Variants in AGAP1 observed in about 807,000 individuals in gnomAD.
AGAP1 encodes ArfGAP with GTPase domain, ankyrin repeat and PH domain 1.
AGAP1 carries 29 observed loss-of-function variants against 105.3 expected under a neutral mutation model. The observed-to-expected ratio is 0.28, with a 90% CI of 0.21 to 0.38. The LOEUF (loss-of-function observed/expected upper bound fraction) is 0.38. Ranked by LOEUF, AGAP1 falls within the 10% of genes least tolerant of loss-of-function variation. AGAP1 has a pLI of 1.00. For synonymous variants in AGAP1, 509 were observed against 485.9 expected (o/e 1.05, Z -0.63); for missense variants, 998 against 1,165.1 (o/e 0.86, Z 2.09).
chr2:235,508,629 G>A (rs181238939), intron 1 of AGAP1, among the ~76,000 whole-genome samples: 11 of 152,296 alleles, frequency 7.2e-5, no homozygotes, highest in African/African-American at 2.6e-4. Flanking sequence ...CCCGAAGTCC[G>A]GGAGGAGGGA....
At chr2:235,562,617 C>T (rs192274761) in intron 1 of AGAP1, among the ~76,000 whole-genome samples, 5 of 152,306 alleles carry the variant, frequency 3.3e-5, no homozygotes, top group Admixed American at 2.0e-4. Flanking sequence ...AAACCCTCCT[C>T]CACATGCCTT....
At chr2:235,645,734 G>A (rs1947360410) in intron 1 of AGAP1, among the ~76,000 whole-genome samples, 1 of 152,128 alleles carries the variant, frequency 6.6e-6, no homozygotes, top group African/African-American at 2.4e-5. Flanking sequence ...TCCAGGGGAA[G>A]GAGAAAACCG....
At chr2:235,756,505 C>T (rs1320987361) in intron 6 of AGAP1, among the ~76,000 whole-genome samples, 4 of 152,110 alleles carry the variant, frequency 2.6e-5, no homozygotes, top group Non-Finnish European at 4.4e-5. Context: ...TTCATTTCTT[C>T]TCCAAGCAGC....
chr2:235,704,105 A>G (rs1268607923), intron 1 of AGAP1, among the ~76,000 whole-genome samples: 1 of 152,170 alleles, frequency 6.6e-6, no homozygotes, highest in Non-Finnish European at 1.5e-5. Flanking sequence ...TTGATCTCCC[A>G]TGGACACTGG....
intron 11 of AGAP1, among the ~76,000 whole-genome samples, chr2:235,915,549 G>A (rs1026895808): frequency 2.0e-5 from 3 of 152,056 alleles, no homozygotes; most frequent in Admixed American, 6.5e-5. Context: ...GCATAGTGGC[G>A]AGTGCCTGTG....
Position 235,836,952 on chromosome 2 carries a change from T to C in AGAP1, c.1050+29621T>C, listed in dbSNP as rs552771967. On this transcript the variant is annotated intron_variant, in intron 9 of 17. Transcript: ENST00000304032. ...GGAGATCACAACTCAGGCAGCTGGATGGAGAGTTCAAGGGTTTTTTGTTGG... is the reference window on the plus strand; with the variant it reads ...GGAGATCACAACTCAGGCAGCTGGACGGAGAGTTCAAGGGTTTTTTGTTGG... Among the ~76,000 whole-genome samples the C allele has an allele frequency of 1.1e-3, 168 of 151,182 alleles. 1 individual carries two copies. Among genetic ancestry groups the C allele is most frequent in the African/African-American group, 3.8e-3 (157 of 40,984 alleles).
chr2:236,032,401 C>G (rs1469173574), intron 13 of AGAP1, among the ~76,000 whole-genome samples: 2 of 152,146 alleles, frequency 1.3e-5, no homozygotes, highest in Non-Finnish European at 2.9e-5. Flanking sequence ...TCAGGGTGAT[C>G]AAGCATCTCA....
rs368444123 is a variant in AGAP1 at position 236,036,705 on chromosome 2, G to A, written c.1790G>A (p.Ser597Asn). 3 of 1,614,202 alleles carry A rather than the reference G, an allele frequency of 1.9e-6. No homozygotes were observed. Among genetic ancestry groups the A allele is most frequent in the Non-Finnish European group, 1.7e-6 (2 of 1,180,042 alleles). ...GCCAGCCTGCAGTCGTGCGAGAGCA[G>A]CAAGAACAAGGTGAGGCCCCTGGCT... is the stretch of plus-strand genomic sequence containing the variant. ...ILASLQSCES[S>N]KNKSRLTSQS... Residue 597 changes from serine to asparagine, a missense_variant, in exon 14 of 18, where the codon AGC (serine) becomes AAC (asparagine). Physicochemically the swap from Ser to Asn is conservative, Grantham distance 46. This residue lies in a region of AGAP1 where 735 missense variants were observed against 833.4 expected (regional missense o/e 0.88). Coordinates refer to ENST00000304032, the MANE Select transcript of AGAP1 (RefSeq NM_001037131.3). The surrounding 1 kb of genome is among the most constrained non-coding windows in gnomAD (Gnocchi z 5.7).
In AGAP1 at chr2:235,608,655, A is replaced by C. The variant is rs1946027587; in HGVS notation, c.164-100524A>C. On this transcript the variant is annotated intron_variant, in intron 1 of 17. Transcript: ENST00000304032. The surrounding 1 kb of genome is among the most constrained non-coding windows in gnomAD (Gnocchi z 5.4). ...AGGCCCAGAAAACAGTGGAGCCAAG[A>C]GAGGAACGAGGTCTCTGGATTCCGG... Among the ~76,000 whole-genome samples the C allele has an allele frequency of 6.6e-6, 1 of 152,190 alleles. No homozygotes were observed. Among genetic ancestry groups the C allele is most frequent in the Non-Finnish European group, 1.5e-5 (1 of 68,034 alleles).
intron 16 of AGAP1, among the ~76,000 whole-genome samples, chr2:236,110,992 A>G (rs1398270429): frequency 6.6e-6 from 1 of 152,166 alleles, no homozygotes; most frequent in Non-Finnish European, 1.5e-5. Context: ...TAGAAGAGGC[A>G]AACCAGCCCC....
At chr2:235,786,343 T>C (rs1191320454) in intron 6 of AGAP1, among the ~76,000 whole-genome samples, 2 of 152,228 alleles carry the variant, frequency 1.3e-5, no homozygotes, top group African/African-American at 4.8e-5. Flanking sequence ...TATTCAACTC[T>C]TGTGTTAACC....
chr2:235,746,377 C>CCTTTTTT (rs1295250993), intron 5 of AGAP1, among the ~76,000 whole-genome samples: 13 of 55,562 alleles, frequency 2.3e-4, no homozygotes, highest in African/African-American at 1.0e-3. Flanking sequence ...CCTCCCCCAA[C>CCTTTTTT]TTTTTTTTTT....
intron 12 of AGAP1, among the ~76,000 whole-genome samples, chr2:235,948,484 G>A (rs1470034211): frequency 6.6e-6 from 1 of 152,154 alleles, no homozygotes; most frequent in East Asian, 1.9e-4. Context: ...ACTGCGCCTG[G>A]CCTAAAAATG....
chr2:235,794,324 T>C (rs939904736), intron 6 of AGAP1, among the ~76,000 whole-genome samples: 1 of 152,218 alleles, frequency 6.6e-6, no homozygotes, highest in Non-Finnish European at 1.5e-5. Context: ...ATTAAATTGG[T>C]AGTGTCAGTA....
intron 9 of AGAP1, among the ~76,000 whole-genome samples, chr2:235,818,229 C>G (rs1263596377): frequency 6.6e-6 from 1 of 152,194 alleles, no homozygotes; most frequent in African/African-American, 2.4e-5. Flanking sequence ...ATTTAATTCT[C>G]CACCAACCTA....
rs574106697 is a variant in AGAP1 at position 235,814,566 on chromosome 2, T to C, written c.1050+7235T>C. On this transcript the variant is annotated intron_variant, in intron 9 of 17. Coordinates refer to ENST00000304032, the MANE Select transcript of AGAP1 (RefSeq NM_001037131.3). ...TGCTACGGCTGGAGGAGGCAGAAAGTGTCTGCAGCCCCCAGGCTCAGCTCA... is the reference window on the plus strand; with the variant it reads ...TGCTACGGCTGGAGGAGGCAGAAAGCGTCTGCAGCCCCCAGGCTCAGCTCA... Among the ~76,000 whole-genome samples, 180 of 152,324 alleles carry C rather than the reference T, an allele frequency of 1.2e-3. 1 individual carries two copies. The highest frequency in any genetic ancestry group is 4.1e-3 in the African/African-American group (169 of 41,576).
Position 236,003,453 on chromosome 2 carries a change from G to T in AGAP1, c.1646-33108G>T, listed in dbSNP as rs934759740. Among the ~76,000 whole-genome samples the T allele has an allele frequency of 6.6e-6, 1 of 152,222 alleles. No individual in the cohort carries two copies. The highest frequency in any genetic ancestry group is 1.5e-5 in the Non-Finnish European group (1 of 68,034). ...GCACCAAGATTTTACCCACCTCTGT[G>T]TGTGGTCGCACGTCCTCCTCATGGC... is the stretch of plus-strand genomic sequence containing the variant. On this transcript the variant is annotated intron_variant, in intron 13 of 17. Transcript: ENST00000304032. The surrounding 1 kb of genome is among the most constrained non-coding windows in gnomAD (Gnocchi z 4.2).
At chr2:235,844,089 G>A (rs1290641838) in intron 9 of AGAP1, among the ~76,000 whole-genome samples, 1 of 152,198 alleles carries the variant, frequency 6.6e-6, no homozygotes, top group Admixed American at 6.5e-5. Flanking sequence ...TGCTAATGAA[G>A]TCTTTCCTGC....
chr2:235,538,928 AT>A (rs11354935), intron 1 of AGAP1, among the ~76,000 whole-genome samples: 131,417 of 151,968 alleles, frequency 0.86, 57,270 homozygotes, highest in East Asian at 0.99. Context: ...TTTTAAAGCC[AT>A]TTTTTTTTCC....
Sources: gnomAD v4.1 joint callset for allele counts (sites outside exome capture counted in the v4.1 genomes callset) on GRCh38, gnomAD v4.1.1 for gene constraint, gnomAD v4.1.1 regional missense constraint, Gnocchi (gnomAD v3.1) non-coding constraint, MANE v1.5 for transcripts, NCBI Gene and HGNC (gene_info 2026-07-23, HGNC 2026-07-21) for gene names.